Variants in MAML3 observed in about 807,000 individuals in gnomAD.
MAML3 encodes mastermind-like protein 3.
Under a neutral mutation model 101.9 loss-of-function variants are expected in MAML3, and 27 were observed. That is an observed-to-expected ratio of 0.27 (90% CI 0.20 to 0.37). MAML3 has a LOEUF of 0.37. Ranked by LOEUF, MAML3 falls within the 10% of genes least tolerant of loss-of-function variation. The probability of loss-of-function intolerance (pLI) is 1.00; values close to 1 mark genes in which losing one functional copy is unlikely to be tolerated. For synonymous variants in MAML3, 501 were observed against 555.9 expected, an observed-to-expected ratio of 0.90 and a Z score of 1.39; for missense variants, 1,316 against 1,444.9, an observed-to-expected ratio of 0.91 and a Z score of 1.45.
chr4:140,016,367 T>TA (rs1726641931), intron 1 of MAML3, among the ~76,000 whole-genome samples: 2 of 152,218 alleles, frequency 1.3e-5, no homozygotes, highest in African/African-American at 4.8e-5. Context: ...CTTAACTTGA[T>TA]ACACAAGTTT....
chr4:139,925,796 G>GT (rs1168429622), intron 1 of MAML3, among the ~76,000 whole-genome samples: 3 of 152,132 alleles, frequency 2.0e-5, no homozygotes, highest in Non-Finnish European at 4.4e-5. Context: ...AAAATAAAAA[G>GT]TTTTTTATAA....
chr4:140,053,256 CA>C (rs1331524763), intron 1 of MAML3, among the ~76,000 whole-genome samples: 3 of 152,266 alleles, frequency 2.0e-5, no homozygotes, highest in African/African-American at 7.2e-5. Flanking sequence ...GTCTTCATGG[CA>C]GCAGCATTCT....
chr4:139,938,695 CTAAATT>C (rs1733549195), intron 1 of MAML3, among the ~76,000 whole-genome samples: 1 of 152,120 alleles, frequency 6.6e-6, no homozygotes, highest in South Asian at 2.1e-4. Flanking sequence ...AGATAAAACT[CTAAATT>C]TAAAAAAATG....
intron 1 of MAML3, among the ~76,000 whole-genome samples, chr4:140,127,509 T>TAG (rs1408084133): frequency 2.0e-5 from 3 of 152,166 alleles, no homozygotes; most frequent in Non-Finnish European, 4.4e-5. Context: ...ACGAGAGGTA[T>TAG]AGAGAGCCAG....
At position 139,759,565 on chromosome 4, in the gene MAML3, C is replaced by T. The variant is rs538021590; in HGVS notation, c.2080-28898G>A. On this transcript the variant is annotated intron_variant, in intron 2 of 4. Coordinates refer to ENST00000509479, the MANE Select transcript of MAML3 (RefSeq NM_018717.5). ...GTTCTGGCCATAAATTGTTTTAGCA[C>T]CTAGGCAAATTGCTTTCTAGGTTAT... Among the ~76,000 whole-genome samples, 37 of 152,306 alleles carry T rather than the reference C, an allele frequency of 2.4e-4. No homozygotes were observed. In the South Asian group the frequency reaches 7.0e-3, roughly 29 times the overall value.
At chr4:139,723,960 A>G (rs1560769451) in intron 4 of MAML3, among the ~76,000 whole-genome samples, 1 of 152,218 alleles carries the variant, frequency 6.6e-6, no homozygotes, top group Admixed American at 6.5e-5. Flanking sequence ...AGTGCAGGCT[A>G]AAGTTTGAGA....
chr4:140,037,403 A>T (rs1727004530), intron 1 of MAML3, among the ~76,000 whole-genome samples: 1 of 152,248 alleles, frequency 6.6e-6, no homozygotes, highest in Admixed American at 6.5e-5. Context: ...CAATAAATTA[A>T]TGCATTAGCT....
intron 1 of MAML3, among the ~76,000 whole-genome samples, chr4:140,140,331 A>T (rs1283716179): frequency 6.8e-6 from 1 of 147,622 alleles, no homozygotes; most frequent in Non-Finnish European, 1.5e-5. Flanking sequence ...CTCAAAAAAT[A>T]AAAAAAAAAT....
At chr4:139,745,863 G>T (rs1579385900) in intron 2 of MAML3, among the ~76,000 whole-genome samples, 1 of 152,152 alleles carries the variant, frequency 6.6e-6, no homozygotes, top group African/African-American at 2.4e-5. Context: ...ATACATCCTG[G>T]GGATGGAGGA....
chr4:139,892,150 T>G (rs1270774017), intron 1 of MAML3, among the ~76,000 whole-genome samples: 1 of 152,206 alleles, frequency 6.6e-6, no homozygotes, highest in South Asian at 2.1e-4. Flanking sequence ...CTAGAGAAGA[T>G]AGTTGAAGCA....
intron 2 of MAML3, among the ~76,000 whole-genome samples, chr4:139,835,293 T>C (rs1731239096): frequency 6.6e-6 from 1 of 152,248 alleles, no homozygotes; most frequent in South Asian, 2.1e-4. Flanking sequence ...GAATGAGTTT[T>C]AGTTTATGCC....
rs1269124710 is a variant in MAML3, at chr4:140,069,385, AG to A, written c.468+83474del. Reference sequence around the variant, plus strand: ...GAGAAGAAGAAGAAGAAGAAGAAGAAGGAGGAGGAGGAGGAGGAGGAGGAGG... The same window carrying A: ...GAGAAGAAGAAGAAGAAGAAGAAGAAGAGGAGGAGGAGGAGGAGGAGGAGG... On this transcript the variant is annotated intron_variant, in intron 1 of 4. Transcript: ENST00000509479. Among the ~76,000 whole-genome samples the A allele has an allele frequency of 5.8e-4, 38 of 65,872 alleles. 1 individual carries two copies. The highest frequency in any genetic ancestry group is 2.4e-3 in the African/African-American group (36 of 15,062). The allele number at this position is 65,872 out of a possible 152,430, so 43.2% of individuals were successfully genotyped here.
rs1728001844 is a variant in MAML3 at position 139,717,057 on chromosome 4, A to G, written c.*2266T>C. The G allele has an allele frequency of 6.6e-6, 1 of 152,432 alleles. No individual in the cohort carries two copies. The highest frequency in any genetic ancestry group is 1.5e-5 in the Non-Finnish European group (1 of 68,030). 9.4% of individuals were successfully genotyped at this position (152,432 alleles called of 1,614,324 possible). A position where few individuals can be genotyped will look rare whatever the true frequency, so the allele number is the denominator to read the frequency against. On this transcript the variant is annotated 3_prime_UTR_variant, in exon 5 of 5. Coordinates refer to ENST00000509479, the MANE Select transcript of MAML3 (RefSeq NM_018717.5). ...AAACAGTATATATATATTTATATGT[A>G]TATTTTTTACAGATAGTAGACCCAG...
chr4:139,852,401 C>CTTTTTTT (rs1560814189), intron 2 of MAML3, among the ~76,000 whole-genome samples: 1 of 126,274 alleles, frequency 7.9e-6, no homozygotes, highest in African/African-American at 3.4e-5. Context: ...ATTCAGAAGA[C>CTTTTTTT]TGTTTTTTTT....
chr4:139,927,072 C>CTTTTTTTTTTTTTTTTTTTTTTTT (rs61573991), intron 1 of MAML3, among the ~76,000 whole-genome samples: 2 of 134,730 alleles, frequency 1.5e-5, no homozygotes, highest in African/African-American at 2.8e-5. Flanking sequence ...TTTCTTTTTT[C>CTTTTTTTTTTTTTTTTTTTTTTTT]TTTTTTTTTT....
chr4:140,125,772 T>TG (rs1728673056), intron 1 of MAML3, among the ~76,000 whole-genome samples: 2 of 151,640 alleles, frequency 1.3e-5, no homozygotes, highest in African/African-American at 2.4e-5. Context: ...GGTACAGGTG[T>TG]TTTTGTTGTT....
At chr4:139,902,249 ACACGCACACACACGCACACACACACG>A in intron 1 of MAML3, among the ~76,000 whole-genome samples, 2 of 50,484 alleles carry the variant, frequency 4.0e-5, no homozygotes, top group Non-Finnish European at 1.5e-4. Context: ...GCGCGCACGC[ACACGCACACACACGCACACACACACG>A]CACACACACA....
chr4:140,058,023 G>C (rs1036303328), intron 1 of MAML3, among the ~76,000 whole-genome samples: 5 of 150,194 alleles, frequency 3.3e-5, no homozygotes, highest in Non-Finnish European at 7.4e-5. Context: ...AAAGACCTCT[G>C]ATTAAACGTA....
intron 2 of MAML3, among the ~76,000 whole-genome samples, chr4:139,761,321 G>C (rs2063473): frequency 6.6e-6 from 1 of 152,118 alleles, no homozygotes; most frequent in African/African-American, 2.4e-5. Context: ...AAAACTTTTC[G>C]ACAGAATGGA....
Sources: gnomAD v4.1 joint callset for allele counts (sites outside exome capture counted in the v4.1 genomes callset) on GRCh38, gnomAD v4.1.1 for gene constraint, MANE v1.5 for transcripts, NCBI Gene and HGNC (gene_info 2026-07-23, HGNC 2026-07-21) for gene names.